The following AFG2A variants were observed in gnomAD, a reference collection of about 807,000 sequenced individuals.
The protein encoded by AFG2A is AAA ATPase AFG2A, also known as ATPase family gene 2 protein homolog A.
chr4:123,112,703 AT>A, the AFG2A span, among the ~76,000 whole-genome samples: 10 of 150,086 alleles, frequency 6.7e-5, no homozygotes, highest in Admixed American at 2.0e-4. Context: ...TAGCATTGAC[AT>A]TTTTTTTTTC....
At chr4:122,973,802 C>T in the AFG2A span, among the ~76,000 whole-genome samples, 29 of 152,120 alleles carry the variant, frequency 1.9e-4, no homozygotes, top group Non-Finnish European at 4.1e-4. Flanking sequence ...ACAGTCATTG[C>T]GTGTAGCTAG....
At chr4:122,958,105 C>T in the AFG2A span, among the ~76,000 whole-genome samples, 3 of 152,114 alleles carry the variant, frequency 2.0e-5, no homozygotes, top group African/African-American at 4.8e-5. Context: ...CTCTGCTTTG[C>T]GCTGAGGAAA....
chr4:123,193,891 C>T, the AFG2A span, among the ~76,000 whole-genome samples: 1 of 152,094 alleles, frequency 6.6e-6, no homozygotes, highest in Non-Finnish European at 1.5e-5. Context: ...AGACCACACA[C>T]AGCCTTACAT....
At chr4:122,928,426 C>T in the AFG2A span, among the ~76,000 whole-genome samples, 3 of 152,118 alleles carry the variant, frequency 2.0e-5, no homozygotes, top group Non-Finnish European at 4.4e-5. Flanking sequence ...GCTGGGGATC[C>T]TTTGGAAATA....
the AFG2A span, among the ~76,000 whole-genome samples, chr4:123,116,618 T>G: frequency 2.0e-5 from 3 of 152,168 alleles, no homozygotes; most frequent in Admixed American, 6.5e-5. Flanking sequence ...TGATGGGAGT[T>G]TTTCCAAATA....
At chr4:122,943,808 G>A in the AFG2A span, among the ~76,000 whole-genome samples, 1 of 152,126 alleles carries the variant, frequency 6.6e-6, no homozygotes, top group Non-Finnish European at 1.5e-5. Flanking sequence ...GTTTCCTTCA[G>A]GAGCTCTTTT....
At chr4:123,165,733 T>C in the AFG2A span, among the ~76,000 whole-genome samples, 1 of 152,166 alleles carries the variant, frequency 6.6e-6, no homozygotes, top group Non-Finnish European at 1.5e-5. Context: ...CTGAAAATAA[T>C]ATAATCAATT....
chr4:122,950,537 A>G, the AFG2A span, among the ~76,000 whole-genome samples: 2 of 152,030 alleles, frequency 1.3e-5, no homozygotes, highest in Admixed American at 1.3e-4. Context: ...GACAGGTTTC[A>G]CTATGTTGGG....
the AFG2A span, among the ~76,000 whole-genome samples, chr4:123,264,641 G>A: frequency 6.6e-6 from 1 of 152,070 alleles, no homozygotes; most frequent in Non-Finnish European, 1.5e-5. Context: ...TGTAACTTTT[G>A]AGCTAGTCCT....
chr4:122,934,551 T>C, the AFG2A span: 1 of 1,613,832 alleles, frequency 6.2e-7, no homozygotes, highest in Non-Finnish European at 8.5e-7. Context: ...AGTGCAATAC[T>C]GATACTTTTT....
the AFG2A span, among the ~76,000 whole-genome samples, chr4:123,124,640 AAAC>A: frequency 6.6e-6 from 1 of 152,218 alleles, no homozygotes; most frequent in Non-Finnish European, 1.5e-5. Flanking sequence ...AGTATTAAAA[AAAC>A]AACAACAAAA....
the AFG2A span, among the ~76,000 whole-genome samples, chr4:123,272,911 A>G: frequency 6.6e-6 from 1 of 152,142 alleles, no homozygotes; most frequent in Non-Finnish European, 1.5e-5. Flanking sequence ...TATAGGTTGA[A>G]GAGGGAGAGT....
At chr4:122,964,604 G>C in the AFG2A span, among the ~76,000 whole-genome samples, 3 of 152,090 alleles carry the variant, frequency 2.0e-5, no homozygotes, top group African/African-American at 4.8e-5. Flanking sequence ...CACAGATGAG[G>C]AGAGACTATG....
At chr4:122,975,172 C>G in the AFG2A span, among the ~76,000 whole-genome samples, 11 of 152,150 alleles carry the variant, frequency 7.2e-5, no homozygotes, top group Admixed American at 3.3e-4. Flanking sequence ...AGTCCAAGAT[C>G]AAGGTGCTGG....
At chr4:123,228,310 A>G in the AFG2A span, among the ~76,000 whole-genome samples, 792 of 152,154 alleles carry the variant, frequency 5.2e-3, 7 homozygotes, top group African/African-American at 0.018. Flanking sequence ...GTTTCTTCCT[A>G]GCCTTGATGG....
chr4:123,179,212 G>C, the AFG2A span, among the ~76,000 whole-genome samples: 1 of 152,196 alleles, frequency 6.6e-6, no homozygotes, highest in East Asian at 1.9e-4. Context: ...CAGCAATCTA[G>C]AAGGAGGAGT....
At chr4:123,297,052 A>G in the AFG2A span, among the ~76,000 whole-genome samples, 1 of 152,242 alleles carries the variant, frequency 6.6e-6, no homozygotes, top group Non-Finnish European at 1.5e-5. Context: ...TAACATTTCC[A>G]TAAACTTCCA....
At chr4:123,303,056 C>A in the AFG2A span, among the ~76,000 whole-genome samples, 1 of 152,154 alleles carries the variant, frequency 6.6e-6, no homozygotes, top group Non-Finnish European at 1.5e-5. Flanking sequence ...CCTTCCCTAC[C>A]CAGTGGTTCC....
the AFG2A span, among the ~76,000 whole-genome samples, chr4:122,925,351 AT>A: frequency 2.0e-5 from 3 of 152,076 alleles, no homozygotes; most frequent in Admixed American, 1.3e-4. Context: ...AGCCAGAATG[AT>A]CTTGTAAGAT....
Sources: gnomAD v4.1 joint callset for allele counts (sites outside exome capture counted in the v4.1 genomes callset) on GRCh38, gnomAD v4.1.1 for gene constraint, MANE v1.5 for transcripts, NCBI Gene and HGNC (gene_info 2026-07-23, HGNC 2026-07-21) for gene names.